The following STK11 variants were observed in gnomAD, a reference collection of about 807,000 sequenced individuals.
STK11 encodes serine/threonine-protein kinase STK11.
A neutral mutation model predicts 47.3 loss-of-function variants in STK11; 8 were observed. The ratio of observed to expected loss-of-function variants is 0.17; its 90% CI spans 0.10 to 0.31. The LOEUF is 0.31. STK11 is among the 10% of genes least tolerant of loss of function. STK11 has a pLI of 1.00. For synonymous variants in STK11, 330 were observed against 255.8 expected (o/e 1.29, Z -2.77); for missense variants, 475 against 605.0 (o/e 0.79, Z 2.25).
At chr19:1,212,839 C>T (rs1047049691) in intron 1 of STK11, among the ~76,000 whole-genome samples, 1 of 151,822 alleles carries the variant, frequency 6.6e-6, no homozygotes, top group Admixed American at 6.6e-5. Context: ...TCACTGTGCC[C>T]GGCCCACCTT....
Position 1,228,085 on chromosome 19 carries a change from G to A in STK11, c.*509G>A. 2 of 1,057,826 alleles carry A rather than the reference G, an allele frequency of 1.9e-6. No individual in the cohort carries two copies. Among genetic ancestry groups the A allele is most frequent in the Non-Finnish European group, 2.3e-6 (2 of 874,368 alleles). 65.5% of individuals were successfully genotyped at this position (1,057,826 alleles called of 1,614,324 possible). A position where few individuals can be genotyped will look rare whatever the true frequency, so the allele number is the denominator to read the frequency against. ...TTTTTTTTTTTAAGAAAAAATAAAAGGTGGATTTGAGCTGTGGCTGTGAGG... is the reference window on the plus strand; with the variant it reads ...TTTTTTTTTTTAAGAAAAAATAAAAAGTGGATTTGAGCTGTGGCTGTGAGG... On this transcript the variant is annotated 3_prime_UTR_variant, in exon 10 of 10. Coordinates refer to ENST00000326873, the MANE Select transcript of STK11 (RefSeq NM_000455.5).
chr19:1,212,065 G>A (rs971772284), intron 1 of STK11, among the ~76,000 whole-genome samples: 2 of 152,112 alleles, frequency 1.3e-5, no homozygotes, highest in Admixed American at 1.3e-4. Flanking sequence ...GCAGAACAGC[G>A]GGGGTAATGG....
rs786202390 is a variant in STK11 at position 1,226,509 on chromosome 19, G to A, written c.1164G>A (p.Lys388=). The A allele has an allele frequency of 5.6e-6, 9 of 1,610,664 alleles. No individual in the cohort carries two copies. The highest frequency in any genetic ancestry group is 2.2e-5 in the East Asian group (1 of 44,844). The change falls in exon 9 of 10, where the codon AAG becomes AAA. Residue 388 remains lysine, a synonymous_variant. Transcript: ENST00000326873. ...SHNGQRRGLP[K]AVCMNGTEAA... is the part of the protein sequence containing the mutation. ...ATGGACAGCGCCGGGGCCTCCCCAA[G>A]GCCGTGTGTATGAACGGCACAGAGG...
In STK11 at chr19:1,228,158, A is replaced by G; in HGVS notation, c.*582A>G. 2 of 1,061,726 alleles carry G rather than the reference A, an allele frequency of 1.9e-6. No individual in the cohort carries two copies. Among genetic ancestry groups the G allele is most frequent in the Non-Finnish European group, 2.3e-6 (2 of 876,276 alleles). 65.8% of individuals were successfully genotyped at this position (1,061,726 alleles called of 1,614,324 possible). On this transcript the variant is annotated 3_prime_UTR_variant, in exon 10 of 10. Coordinates refer to ENST00000326873, the MANE Select transcript of STK11 (RefSeq NM_000455.5). ...GCAGGGGGGCTGTGGGGTCGGGCTC[A>G]CGTCGCGGCCGCCTTTGCGCTCTCG...
At chr19:1,213,933 G>A (rs2080728418) in intron 1 of STK11, among the ~76,000 whole-genome samples, 1 of 152,206 alleles carries the variant, frequency 6.6e-6, no homozygotes, top group African/African-American at 2.4e-5. Flanking sequence ...CTAGGCAGAC[G>A]GAGGCTCCTA....
At chr19:1,220,880 C>T (rs752921802) in intron 5 of STK11, among the ~76,000 whole-genome samples, 163 bp downstream of exon 5, 1 of 152,238 alleles carries the variant, frequency 6.6e-6, no homozygotes, top group Non-Finnish European at 1.5e-5. Context: ...GTAACTCATA[C>T]GGCAGATGGT....
In STK11 at chr19:1,207,032, G is replaced by A. The variant is rs1288190366; in HGVS notation, c.119G>A (p.Arg40His). The change falls in exon 1 of 10, where the codon CGC becomes CAC. Residue 40 changes from arginine to histidine, a missense_variant. Arg to His is a conservative substitution (Grantham distance 29). Coordinates refer to ENST00000326873, the MANE Select transcript of STK11 (RefSeq NM_000455.5). ...DSTEVIYQPR[R>H]KRAKLIGKYL... is the part of the protein sequence containing the mutation. ...ACCGAGGTCATCTACCAGCCGCGCC[G>A]CAAGCGGGCCAAGCTCATCGGCAAG... is the stretch of plus-strand genomic sequence containing the variant. 6.2e-7 allele frequency: 1 copy of A among 1,613,684 alleles called. No homozygotes were observed. The highest frequency in any genetic ancestry group is 8.5e-7 in the Non-Finnish European group (1 of 1,179,876).
intron 8 of STK11, chr19:1,225,590 G>A (rs2080815268): frequency 1.0e-6 from 1 of 985,380 alleles, no homozygotes; most frequent in African/African-American, 1.7e-5. Flanking sequence ...TTTAAAGCTA[G>A]TGACTTCCTG....
intron 1 of STK11, among the ~76,000 whole-genome samples, chr19:1,208,939 C>T (rs2080690208): frequency 6.6e-6 from 1 of 152,020 alleles, no homozygotes; most frequent in Non-Finnish European, 1.5e-5. Context: ...TCTTAATCAG[C>T]ATGCAGGCTG....
intron 9 of STK11, 119 bp from the exon 10 acceptor site, chr19:1,227,474 C>T (rs974642854): frequency 1.9e-6 from 2 of 1,031,770 alleles, no homozygotes; most frequent in Non-Finnish European, 2.4e-6. Context: ...CCCCTGCTGC[C>T]CCCCAGGAGT....
In STK11 at chr19:1,206,723, G is replaced by T. The variant is rs1263828846; in HGVS notation, c.-191G>T. On this transcript the variant is annotated 5_prime_UTR_variant, in exon 1 of 10. Transcript: ENST00000326873. ...ACCCTGCACCGGGCTTGGACTCGCAGCCGGGACTGACGTGTAGAACAATCG... is the reference window on the plus strand; with the variant it reads ...ACCCTGCACCGGGCTTGGACTCGCATCCGGGACTGACGTGTAGAACAATCG... The T allele has an allele frequency of 5.0e-6, 4 of 803,668 alleles. No individual in the cohort carries two copies. Among genetic ancestry groups the T allele is most frequent in the Non-Finnish European group, 7.5e-6 (4 of 532,394 alleles). 49.8% of individuals were successfully genotyped at this position (803,668 alleles called of 1,614,324 possible). A position where few individuals can be genotyped will look rare whatever the true frequency, so the allele number is the denominator to read the frequency against.
intron 8 of STK11, chr19:1,224,442 C>T: frequency 1.0e-6 from 1 of 985,424 alleles, no homozygotes; most frequent in South Asian, 4.7e-5. Flanking sequence ...GCAATTTGAC[C>T]CCAGGCCCAG....
chr19:1,206,705 A>G lies in STK11; in HGVS notation c.-209A>G. ...GTGCCCGCCGGTCCGCAGACCCTGC[A>G]CCGGGCTTGGACTCGCAGCCGGGAC... On this transcript the variant is annotated 5_prime_UTR_variant, in exon 1 of 10. Coordinates refer to ENST00000326873, the MANE Select transcript of STK11 (RefSeq NM_000455.5). 1.5e-6 allele frequency: 1 copy of G among 687,200 alleles called. No homozygotes were observed. Among genetic ancestry groups the G allele is most frequent in the East Asian group, 2.9e-5 (1 of 34,628 alleles). 42.6% of individuals were successfully genotyped at this position (687,200 alleles called of 1,614,324 possible).
intron 1 of STK11, among the ~76,000 whole-genome samples, chr19:1,212,154 CCT>C (rs1462624914): frequency 6.6e-6 from 1 of 152,000 alleles, no homozygotes; most frequent in Non-Finnish European, 1.5e-5. Context: ...AATGTTGGTT[CCT>C]CTCTCAGGAT....
chr19:1,224,199 TAC>T (rs1347303254), intron 8 of STK11: 8 of 983,072 alleles, frequency 8.1e-6, no homozygotes, highest in Non-Finnish European at 2.4e-6. Flanking sequence ...CCCCGGGGGG[TAC>T]AGTGTCTGGG....
At chr19:1,213,219 G>C (rs886647720) in intron 1 of STK11, among the ~76,000 whole-genome samples, 1 of 149,718 alleles carries the variant, frequency 6.7e-6, no homozygotes, top group African/African-American at 2.5e-5. Context: ...GGATGGTCTC[G>C]ATCTCCTGAC....
chr19:1,223,835 G>C lies in STK11; in HGVS notation c.1108+663G>C, dbSNP rs547195036. 126 of 1,028,526 alleles carry C rather than the reference G, an allele frequency of 1.2e-4. No homozygotes were observed. In the South Asian group the frequency reaches 2.6e-3, roughly 21 times the overall value. 63.7% of individuals were successfully genotyped at this position (1,028,526 alleles called of 1,614,324 possible). ...CCATGCTCCCGGCTTGGCTGTGTTCGGCCCAGGGCTGGGCCGTGTCATAAA... is the reference window on the plus strand; with the variant it reads ...CCATGCTCCCGGCTTGGCTGTGTTCCGCCCAGGGCTGGGCCGTGTCATAAA... On this transcript the variant is annotated intron_variant, in intron 8 of 9. Transcript: ENST00000326873.
chr19:1,219,107 T>G (rs1012419850), intron 2 of STK11, among the ~76,000 whole-genome samples: 14 of 151,648 alleles, frequency 9.2e-5, no homozygotes, highest in Non-Finnish European at 1.2e-4. Context: ...GCCCCAAGAG[T>G]CAGCCCTGTC....
intron 9 of STK11, chr19:1,227,117 A>C (rs547979079): frequency 2.9e-3 from 507 of 174,990 alleles, no homozygotes; most frequent in Non-Finnish European, 5.0e-3. Context: ...GCCAGCTGCC[A>C]AGTATGGCTG....
Sources: gnomAD v4.1 joint callset for allele counts (sites outside exome capture counted in the v4.1 genomes callset) on GRCh38, gnomAD v4.1.1 for gene constraint, MANE v1.5 for transcripts, NCBI Gene and HGNC (gene_info 2026-07-23, HGNC 2026-07-21) for gene names.